Variants in CMYA5 observed in about 807,000 individuals in gnomAD.
CMYA5 encodes the protein cardiomyopathy-associated protein 5.
Under a neutral mutation model 318.9 loss-of-function variants are expected in CMYA5, and 246 were observed. The observed-to-expected ratio is 0.77, with a 90% CI of 0.70 to 0.86. The LOEUF (loss-of-function observed/expected upper bound fraction) is 0.86. Among genes scored for constraint, CMYA5 ranks in the 40% least tolerant of loss-of-function variants. CMYA5 has a pLI of 0.00. For synonymous variants in CMYA5, 1,641 were observed against 1,729.5 expected (o/e 0.95, Z 1.27); for missense variants, 4,589 against 4,678.2 (o/e 0.98, Z 0.56).
chr5:79,696,268 A>G (rs1827064290), intron 1 of CMYA5, among the ~76,000 whole-genome samples: 1 of 152,228 alleles, frequency 6.6e-6, no homozygotes, highest in Admixed American at 6.5e-5. Flanking sequence ...GTGACTTGTC[A>G]GAAAGCCATC....
At chr5:79,695,928 T>G (rs1827058557) in intron 1 of CMYA5, among the ~76,000 whole-genome samples, 1 of 152,242 alleles carries the variant, frequency 6.6e-6, no homozygotes, top group Non-Finnish European at 1.5e-5. Context: ...TGCTGCTTTG[T>G]CTAAACTTTC....
chr5:79,760,032 G>A (rs1484164351), intron 7 of CMYA5, among the ~76,000 whole-genome samples: 1 of 152,176 alleles, frequency 6.6e-6, no homozygotes, highest in Non-Finnish European at 1.5e-5. Context: ...ACCGGGGGCA[G>A]GAGTCAAACA....
chr5:79,715,444 C>T (rs1036111680), intron 1 of CMYA5, among the ~76,000 whole-genome samples: 10 of 151,996 alleles, frequency 6.6e-5, no homozygotes, highest in Middle Eastern at 3.2e-3. Context: ...CCCGCCACCA[C>T]GCCCGGCTAA....
chr5:79,710,795 G>A lies in CMYA5; in HGVS notation c.150-18120G>A, dbSNP rs562094646. Among the ~76,000 whole-genome samples the A allele has an allele frequency of 2.6e-5, 4 of 152,250 alleles. No homozygotes were observed. In the South Asian group the frequency reaches 8.3e-4, roughly 32 times the overall value. On this transcript the variant is annotated intron_variant, in intron 1 of 12. Transcript: ENST00000446378. ...CAAAATGTATTAACAAGGGTGGTCT[G>A]TATTATGGTTTTTAAAACATTTTAC...
intron 12 of CMYA5, among the ~76,000 whole-genome samples, chr5:79,794,940 C>T (rs1291081369): frequency 6.6e-6 from 1 of 152,146 alleles, no homozygotes; most frequent in African/African-American, 2.4e-5. Context: ...CCAGCCCCTA[C>T]CCAGAGTTTG....
chr5:79,732,321 C>T lies in CMYA5; in HGVS notation c.3556C>T (p.Pro1186Ser), dbSNP rs374881012. 4 of 1,613,646 alleles carry T rather than the reference C, an allele frequency of 2.5e-6. No homozygotes were observed. The African/African-American group carries it at 4.0e-5, about 16-fold the overall frequency. Residue 1186 changes from proline to serine, a missense_variant, in exon 2 of 13, where the codon CCC (proline) becomes TCC (serine). Transcript: ENST00000446378. ...SVPAIKKEQE[P>S]TAALTLKAAD... ...CCCTGCAATCAAGAAAGAACAGGAA[C>T]CCACAGCAGCACTCACTCTAAAAGC...
At chr5:79,745,143 G>C in intron 3 of CMYA5, 79 bp from the exon 4 acceptor site, 6 of 860,892 alleles carry the variant, frequency 7.0e-6, no homozygotes, top group Non-Finnish European at 1.8e-6. Flanking sequence ...TCTTTAAAAG[G>C]CTGGTGTTTC....
At chr5:79,774,125 G>C (rs543009179) in intron 9 of CMYA5, among the ~76,000 whole-genome samples, 162 of 152,290 alleles carry the variant, frequency 1.1e-3, no homozygotes, top group Non-Finnish European at 1.3e-3. Flanking sequence ...GTGGGCGTTT[G>C]AATGGAATGA....
intron 1 of CMYA5, among the ~76,000 whole-genome samples, chr5:79,723,124 C>T (rs1324508312): frequency 1.3e-5 from 2 of 152,160 alleles, no homozygotes; most frequent in East Asian, 1.9e-4. Context: ...GCTACAAAAA[C>T]CTGACAAACA....
At chr5:79,727,414 C>T (rs569858509) in intron 1 of CMYA5, among the ~76,000 whole-genome samples, 2 of 152,134 alleles carry the variant, frequency 1.3e-5, no homozygotes, top group Non-Finnish European at 2.9e-5. Context: ...CTGATATATG[C>T]AGAGACTGAT....
intron 11 of CMYA5, among the ~76,000 whole-genome samples, chr5:79,792,663 C>A (rs1178125742): frequency 6.6e-6 from 1 of 152,154 alleles, no homozygotes; most frequent in Non-Finnish European, 1.5e-5. Context: ...TGAATATTAA[C>A]ACTGCTTAAA....
chr5:79,705,862 C>T (rs186662038), intron 1 of CMYA5, among the ~76,000 whole-genome samples: 1 of 152,272 alleles, frequency 6.6e-6, no homozygotes, highest in African/African-American at 2.4e-5. Flanking sequence ...GGTACTGCTA[C>T]CTGCTTCACA....
rs370833980 is a variant in CMYA5 at position 79,730,878 on chromosome 5, C to T, written c.2113C>T (p.Leu705=). ...TSASEYSVPS[L]ATKESLKKTI... is the part of the protein sequence containing the mutation. Reference sequence around the variant, plus strand: ...TGCTTCTGAATATTCAGTTCCATCACTGGCAACAAAAGAGTCACTGAAGAA... The same window carrying T: ...TGCTTCTGAATATTCAGTTCCATCATTGGCAACAAAAGAGTCACTGAAGAA... Residue 705 remains leucine (L), a synonymous_variant, in exon 2 of 13, where the codon CTG becomes TTG. Transcript: ENST00000446378. The T allele has an allele frequency of 6.6e-5, 106 of 1,613,824 alleles. No individual in the cohort carries two copies. The African/African-American group carries it at 7.3e-4, about 11-fold the overall frequency.
chr5:79,755,146 A>T (rs1187881052), intron 6 of CMYA5, among the ~76,000 whole-genome samples: 4 of 152,188 alleles, frequency 2.6e-5, no homozygotes, highest in African/African-American at 7.2e-5. Flanking sequence ...TCCAAAGTCC[A>T]GTTTGGTTAA....
intron 1 of CMYA5, among the ~76,000 whole-genome samples, chr5:79,695,180 C>T (rs1046145828): frequency 3.3e-5 from 5 of 152,142 alleles, no homozygotes; most frequent in African/African-American, 1.2e-4. Context: ...CCCCTTCCTA[C>T]CAACATGACT....
rs566547052 is a variant in CMYA5 at position 79,715,089 on chromosome 5, A to G, written c.150-13826A>G. 8.5e-5 allele frequency among the ~76,000 whole-genome samples: 13 copies of G among 152,278 alleles called. No individual in the cohort carries two copies. The East Asian group carries it at 2.5e-3, about 29-fold the overall frequency. The stretch of plus-strand genomic sequence containing the variant: ...GTTTTTATTTACTTTTGTAATTAAA[A>G]TGAATTATGTATGTGTATATGGAGG... On this transcript the variant is annotated intron_variant, in intron 1 of 12. Coordinates refer to ENST00000446378, the MANE Select transcript of CMYA5 (RefSeq NM_153610.5).
chr5:79,789,774 T>A (rs902893552), intron 10 of CMYA5, among the ~76,000 whole-genome samples: 4 of 152,156 alleles, frequency 2.6e-5, no homozygotes, highest in Admixed American at 1.3e-4. Flanking sequence ...TTTGTGGATA[T>A]GGTGTGTGTA....
chr5:79,796,081 C>T (rs991489669), intron 12 of CMYA5, among the ~76,000 whole-genome samples: 2 of 137,646 alleles, frequency 1.5e-5, no homozygotes, highest in African/African-American at 5.5e-5. Flanking sequence ...AATACCTTTC[C>T]CTACTTGGCC....
At chr5:79,795,162 G>A (rs1829254291) in intron 12 of CMYA5, among the ~76,000 whole-genome samples, 1 of 152,132 alleles carries the variant, frequency 6.6e-6, no homozygotes, top group African/African-American at 2.4e-5. Context: ...CAGGCTTGGA[G>A]TGGGTGCCAT....
Sources: gnomAD v4.1 joint callset for allele counts (sites outside exome capture counted in the v4.1 genomes callset) on GRCh38, gnomAD v4.1.1 for gene constraint, MANE v1.5 for transcripts, NCBI Gene and HGNC (gene_info 2026-07-23, HGNC 2026-07-21) for gene names.